IRAK1BP1: variants seen among roughly 807,000 people sequenced by gnomAD.
The protein encoded by IRAK1BP1 is interleukin 1 receptor associated kinase 1 binding protein 1.
A neutral mutation model predicts 28.0 loss-of-function variants in IRAK1BP1; 24 were observed. The ratio of observed to expected loss-of-function variants is 0.86; its 90% CI spans 0.62 to 1.20. The LOEUF (loss-of-function observed/expected upper bound fraction) is 1.20. Among genes scored for constraint, IRAK1BP1 ranks in the 50% most tolerant of loss-of-function variants. The pLI, the probability that IRAK1BP1 is intolerant of heterozygous loss-of-function variation, is 0.00. For missense variants in IRAK1BP1, 336 were observed against 316.7 expected (o/e 1.06, Z -0.46); for synonymous variants, 131 against 116.3 (o/e 1.13, Z -0.81).
downstream of IRAK1BP1, among the ~76,000 whole-genome samples, chr6:78,904,458 A>G (rs575819211): frequency 5.9e-5 from 9 of 152,350 alleles, no homozygotes; most frequent in South Asian, 8.3e-4. Flanking sequence ...ATAAAATTGC[A>G]TCTAATAAAT....
At chr6:78,881,827 A>T (rs768266500) in intron 1 of IRAK1BP1, among the ~76,000 whole-genome samples, 13 of 152,140 alleles carry the variant, frequency 8.5e-5, no homozygotes, top group Non-Finnish European at 1.6e-4. Context: ...TGGATAGTGG[A>T]TGGTGGGAGC....
chr6:78,966,426 A>C, the IRAK1BP1 span, among the ~76,000 whole-genome samples: 3 of 152,176 alleles, frequency 2.0e-5, no homozygotes, highest in Non-Finnish European at 4.4e-5. Context: ...ACAATTACTT[A>C]GTCTTTTAAT....
chr6:78,954,250 C>T, the IRAK1BP1 span, among the ~76,000 whole-genome samples: 3 of 149,144 alleles, frequency 2.0e-5, no homozygotes, highest in Admixed American at 6.7e-5. Flanking sequence ...TACAGGCACC[C>T]GCCCACACGC....
At chr6:78,926,459 GT>G (rs1162467883) in intron 4 of IRAK1BP1, among the ~76,000 whole-genome samples, 2 of 152,078 alleles carry the variant, frequency 1.3e-5, no homozygotes, top group Non-Finnish European at 2.9e-5. Context: ...TATATGAGAT[GT>G]TTTGATACAG....
At chr6:78,954,494 T>C in the IRAK1BP1 span, among the ~76,000 whole-genome samples, 2 of 151,858 alleles carry the variant, frequency 1.3e-5, no homozygotes, top group African/African-American at 4.8e-5. Context: ...ATTGCCATAA[T>C]AAATTCATGG....
the IRAK1BP1 span, among the ~76,000 whole-genome samples, chr6:78,971,414 C>T: frequency 8.5e-5 from 13 of 152,148 alleles, no homozygotes; most frequent in Non-Finnish European, 1.5e-4. Flanking sequence ...CAGTCTGACA[C>T]CCACTAGTAG....
chr6:78,979,087 A>AT, the IRAK1BP1 span, among the ~76,000 whole-genome samples: 95 of 152,196 alleles, frequency 6.2e-4, 1 homozygote, highest in South Asian at 7.9e-3. Context: ...ACTATATGCC[A>AT]TTTTTTATAA....
At position 78,869,460 on chromosome 6, in the gene IRAK1BP1, C is replaced by G. The variant is rs186524255; in HGVS notation, c.315+1569C>G. On this transcript the variant is annotated intron_variant, in intron 1 of 3. Coordinates refer to ENST00000369940, the MANE Select transcript of IRAK1BP1 (RefSeq NM_001010844.4). The stretch of plus-strand genomic sequence containing the variant: ...TCTTGAATCCGGGAGGCGAAGGTTT[C>G]AGTGAGCCGAGATGGTGCCACTGCA... Among the ~76,000 whole-genome samples, 3 of 152,288 alleles carry G rather than the reference C, an allele frequency of 2.0e-5. No homozygotes were observed. The East Asian group carries it at 5.8e-4, about 29-fold the overall frequency.
At chr6:78,875,189 C>T (rs1190915740) in intron 1 of IRAK1BP1, among the ~76,000 whole-genome samples, 1 of 152,152 alleles carries the variant, frequency 6.6e-6, no homozygotes, top group Non-Finnish European at 1.5e-5. Context: ...GAAATACCGT[C>T]TCACACTAGT....
At chr6:78,958,730 A>G in the IRAK1BP1 span, 1 of 649,292 alleles carries the variant, frequency 1.5e-6, no homozygotes, top group Non-Finnish European at 2.7e-6. Flanking sequence ...GGTCTTATAA[A>G]GTCATTTTCA....
At chr6:78,975,759 G>A in the IRAK1BP1 span, among the ~76,000 whole-genome samples, 1 of 151,822 alleles carries the variant, frequency 6.6e-6, no homozygotes, top group African/African-American at 2.4e-5. Flanking sequence ...AATCATGAGT[G>A]AACTCCCATT....
chr6:78,908,699 ATCTACCAGAAGAACT>A (rs1772323922), intron 4 of IRAK1BP1, among the ~76,000 whole-genome samples: 1 of 152,122 alleles, frequency 6.6e-6, no homozygotes, highest in South Asian at 2.1e-4. Context: ...GCGTGTGCAC[ATCTACCAGAAGAACT>A]TCTGGGTTTA....
rs1772133612 is a variant in IRAK1BP1, at chr6:78,902,440, C to T, written c.*4106C>T. The T allele has an allele frequency of 6.5e-6, 1 of 152,860 alleles. No homozygotes were observed. Among genetic ancestry groups the T allele is most frequent in the Non-Finnish European group, 1.5e-5 (1 of 68,530 alleles). The allele number at this position is 152,860 out of a possible 1,614,324, so 9.5% of individuals were successfully genotyped here. On this transcript the variant is annotated 3_prime_UTR_variant, in exon 4 of 4. Transcript: ENST00000369940. ...AGCCACTGCACCCAGCCCCAAATAGCTTCTACTCATAACCTAGTGTGGCCT... is the reference window on the plus strand; with the variant it reads ...AGCCACTGCACCCAGCCCCAAATAGTTTCTACTCATAACCTAGTGTGGCCT...
intron 4 of IRAK1BP1, among the ~76,000 whole-genome samples, chr6:78,917,617 T>C (rs1360514650): frequency 2.2e-5 from 3 of 133,604 alleles, no homozygotes; most frequent in Non-Finnish European, 3.1e-5. Context: ...GTCACCAGAC[T>C]GTCAAAGTCA....
chr6:78,918,599 AAG>A (rs1491524385), intron 4 of IRAK1BP1, among the ~76,000 whole-genome samples: 2 of 151,080 alleles, frequency 1.3e-5, no homozygotes, highest in African/African-American at 4.9e-5. Flanking sequence ...AAAAAAAAAA[AAG>A]GGACAAAGAA....
chr6:78,877,889 G>A (rs1252364233), intron 1 of IRAK1BP1, among the ~76,000 whole-genome samples: 3 of 152,046 alleles, frequency 2.0e-5, no homozygotes, highest in African/African-American at 7.2e-5. Context: ...AGCCTCTCTT[G>A]CTGCTAGCAC....
intron 4 of IRAK1BP1, among the ~76,000 whole-genome samples, chr6:78,925,845 A>G (rs1049067363): frequency 9.2e-5 from 14 of 152,198 alleles, no homozygotes; most frequent in African/African-American, 3.4e-4. Flanking sequence ...TACACCATGG[A>G]ATACTATGCA....
chr6:78,963,124 C>T, the IRAK1BP1 span: 5 of 1,606,118 alleles, frequency 3.1e-6, no homozygotes, highest in South Asian at 1.1e-5. Context: ...TTTATTCCTG[C>T]CACAATTCTT....
chr6:78,911,972 AG>A (rs1287486781), intron 4 of IRAK1BP1, among the ~76,000 whole-genome samples: 3 of 152,168 alleles, frequency 2.0e-5, no homozygotes, highest in African/African-American at 7.2e-5. Context: ...AATATATGGA[AG>A]CTTTGTTTTG....
Sources: allele counts gnomAD v4.1 joint callset (sites outside exome capture counted in the v4.1 genomes callset), GRCh38; gene constraint gnomAD v4.1.1; transcripts MANE v1.5; gene names NCBI Gene and HGNC (gene_info 2026-07-23, HGNC 2026-07-21).